RGS12: variants seen among roughly 807,000 people sequenced by gnomAD.
The protein encoded by RGS12 is regulator of G protein signaling 12, also known as regulator of G-protein signaling 12.
In RGS12, 66 loss-of-function variants were observed where a neutral mutation model predicts 120.1. The observed-to-expected ratio is 0.55, with a 90% confidence interval of 0.45 to 0.67. RGS12 has a LOEUF of 0.67. Among genes scored for constraint, RGS12 ranks in the 30% least tolerant of loss-of-function variants. The probability of loss-of-function intolerance (pLI) is 0.00; values close to 1 mark genes in which losing one functional copy is unlikely to be tolerated. For synonymous variants in RGS12, 827 were observed against 804.7 expected (o/e 1.03, Z -0.47); for missense variants, 1,859 against 1,957.7 (o/e 0.95, Z 0.95).
chr4:3,430,381 G>T (rs760828473), intron 16 of RGS12, 26 bp from the exon 17 acceptor site: 3 of 1,583,208 alleles, frequency 1.9e-6, no homozygotes, highest in Non-Finnish European at 2.6e-6. Context: ...TCTAAAACAC[G>T]GTCACTCTGG....
At chr4:3,438,689 C>T (rs917825450) in intron 17 of RGS12, among the ~76,000 whole-genome samples, 1 of 152,120 alleles carries the variant, frequency 6.6e-6, no homozygotes, top group African/African-American at 2.4e-5. Flanking sequence ...GGGAGGCCTC[C>T]CGGGGGTGCT....
chr4:3,334,642 C>A (rs1024675656), intron 2 of RGS12, among the ~76,000 whole-genome samples: 16 of 152,008 alleles, frequency 1.1e-4, no homozygotes, highest in Non-Finnish European at 1.8e-4. Context: ...TTTTATCCTC[C>A]CTCCAGAGGA....
chr4:3,327,722 A>T (rs965007698), intron 2 of RGS12, among the ~76,000 whole-genome samples: 1 of 152,252 alleles, frequency 6.6e-6, no homozygotes, highest in Non-Finnish European at 1.5e-5. Context: ...CCACAGTCAG[A>T]TATCATCTTA....
chr4:3,379,911 A>T (rs940136186), intron 3 of RGS12, among the ~76,000 whole-genome samples: 3 of 152,176 alleles, frequency 2.0e-5, no homozygotes, highest in Non-Finnish European at 4.4e-5. Flanking sequence ...AAAATCTCAT[A>T]TCCTCACATT....
chr4:3,346,455 T>C (rs1412427837), intron 3 of RGS12, among the ~76,000 whole-genome samples: 3 of 152,176 alleles, frequency 2.0e-5, no homozygotes, highest in Non-Finnish European at 1.5e-5. Flanking sequence ...AGTCCTGTCT[T>C]GTGGTCTAAG....
At chr4:3,382,809 G>A (rs942300887) in intron 3 of RGS12, among the ~76,000 whole-genome samples, 6 of 152,006 alleles carry the variant, frequency 3.9e-5, no homozygotes, top group Admixed American at 2.6e-4. Context: ...TTTCACTGTC[G>A]GACATTCCAT....
At chr4:3,425,642 A>T in intron 14 of RGS12, 82 bp downstream of exon 14, 24 of 196,674 alleles carry the variant, frequency 1.2e-4, no homozygotes, top group East Asian at 2.1e-4. Flanking sequence ...GGTGCAGGGG[A>T]GGGGGTGAGT....
Position 3,365,752 on chromosome 4 carries a change from TC to T in RGS12, c.1999-20663del, listed in dbSNP as rs1339765639. On this transcript the variant is annotated intron_variant, in intron 3 of 17. Coordinates refer to ENST00000336727, the MANE Select transcript of RGS12 (RefSeq NM_001394154.1). This position sits in a 1 kb window ranked among gnomAD's most constrained non-coding sequence, Gnocchi z 4.0. ...CTATTTTCAGAATTTAACTTAGAAA[TC>T]TTTGCTTGTCTTGGTCTTTCACACA... 1.3e-5 allele frequency among the ~76,000 whole-genome samples: 2 copies of T among 152,144 alleles called. No homozygotes were observed. The highest frequency in any genetic ancestry group is 4.8e-5 in the African/African-American group (2 of 41,436).
intron 3 of RGS12, among the ~76,000 whole-genome samples, chr4:3,381,226 T>C (rs1250505825): frequency 1.3e-5 from 2 of 152,194 alleles, no homozygotes; most frequent in African/African-American, 4.8e-5. Flanking sequence ...GTTGTCCATA[T>C]CACTGTCAGC....
At chr4:3,371,231 C>T (rs1330164386) in intron 3 of RGS12, among the ~76,000 whole-genome samples, 3 of 152,202 alleles carry the variant, frequency 2.0e-5, no homozygotes, top group African/African-American at 4.8e-5. Context: ...GGTGAAGCTG[C>T]GTGAGGCTCG....
chr4:3,409,133 A>G (rs987073955), intron 4 of RGS12, among the ~76,000 whole-genome samples: 5 of 152,172 alleles, frequency 3.3e-5, no homozygotes, highest in Non-Finnish European at 5.9e-5. Flanking sequence ...CCATGCCTGC[A>G]TCTGCTCTCT....
intron 1 of RGS12, among the ~76,000 whole-genome samples, chr4:3,301,597 G>A (rs866463593): frequency 1.9e-4 from 26 of 136,066 alleles, no homozygotes; most frequent in African/African-American, 7.2e-4. Flanking sequence ...TCCGAGGGCC[G>A]GGGATGGAGA....
chr4:3,307,816 G>A (rs1436604675), intron 1 of RGS12, among the ~76,000 whole-genome samples: 3 of 152,206 alleles, frequency 2.0e-5, no homozygotes, highest in African/African-American at 4.8e-5. Flanking sequence ...CGGGAGACGC[G>A]AAATTCTACA....
intron 3 of RGS12, among the ~76,000 whole-genome samples, chr4:3,358,063 C>T (rs1715061330): frequency 6.6e-6 from 1 of 152,132 alleles, no homozygotes; most frequent in African/African-American, 2.4e-5. Context: ...AGTCTTTCAC[C>T]TCCTTGGTTC....
chr4:3,402,621 TTCTGCATTGGGTGGCGTCC>T (rs1720709867), intron 4 of RGS12, among the ~76,000 whole-genome samples: 1 of 152,010 alleles, frequency 6.6e-6, no homozygotes, highest in Non-Finnish European at 1.5e-5. Context: ...GCCCCTGGGC[TTCTGCATTGGGTGGCGTCC>T]TCTGCGTTGG....
intron 4 of RGS12, among the ~76,000 whole-genome samples, chr4:3,386,843 C>T (rs753328970): frequency 1.3e-5 from 2 of 152,066 alleles, no homozygotes; most frequent in Non-Finnish European, 2.9e-5. Context: ...TGGGTGAGAC[C>T]CAGAATTTTC....
chr4:3,320,845 G>A (rs1011173771), intron 2 of RGS12, among the ~76,000 whole-genome samples: 1 of 152,178 alleles, frequency 6.6e-6, no homozygotes, highest in East Asian at 1.9e-4. Flanking sequence ...GGCCGTGACC[G>A]TCCGCAGCGA....
intron 3 of RGS12, among the ~76,000 whole-genome samples, chr4:3,344,297 C>T (rs1246511246): frequency 1.3e-5 from 2 of 152,150 alleles, no homozygotes; most frequent in Admixed American, 1.3e-4. Context: ...CGTGCTGTAT[C>T]TGGGCGGGCA....
At chr4:3,409,724 A>G (rs539812389) in intron 4 of RGS12, among the ~76,000 whole-genome samples, 1 of 152,220 alleles carries the variant, frequency 6.6e-6, no homozygotes, top group Non-Finnish European at 1.5e-5. Context: ...GTTGGAATTG[A>G]AACACCTTTT....
Sources: gnomAD v4.1 joint callset for allele counts (sites outside exome capture counted in the v4.1 genomes callset) on GRCh38, gnomAD v4.1.1 for gene constraint, Gnocchi (gnomAD v3.1) non-coding constraint, MANE v1.5 for transcripts, NCBI Gene and HGNC (gene_info 2026-07-23, HGNC 2026-07-21) for gene names.